COL5A1: variants seen among roughly 807,000 people sequenced by gnomAD.
The protein encoded by COL5A1 is collagen alpha-1(V) chain.
In COL5A1, 16 loss-of-function variants were observed where a neutral mutation model predicts 263.7. The ratio of observed to expected loss-of-function variants is 0.06; its 90% CI spans 0.04 to 0.09. The LOEUF is 0.09. Among genes scored for constraint, COL5A1 ranks in the 10% least tolerant of loss-of-function variants. COL5A1 has a pLI of 1.00. For missense variants in COL5A1, 2,036 were observed against 2,540.5 expected (o/e 0.80, Z 4.27); for synonymous variants, 1,012 against 1,004.5 (o/e 1.01, Z -0.14).
chr9:134,814,168 C>T, intron 49 of COL5A1, 132 bp downstream of exon 49: 3 of 888,910 alleles, frequency 3.4e-6, no homozygotes, highest in Non-Finnish European at 5.2e-6. Context: ...CCTCTTGTGC[C>T]CATTTCATGG....
chr9:134,813,903 T>G, intron 48 of COL5A1, 80 bp from the exon 49 acceptor site: 1 of 1,489,474 alleles, frequency 6.7e-7, no homozygotes, highest in Non-Finnish European at 9.2e-7. Context: ...GCAGGCAGGA[T>G]TTGGCAAATG....
intron 49 of COL5A1, 22 bp from the exon 50 acceptor site, chr9:134,814,775 G>C: frequency 6.5e-7 from 1 of 1,537,770 alleles, no homozygotes; most frequent in Non-Finnish European, 8.8e-7. Flanking sequence ...CTGAGGACTT[G>C]ACACTGGCCT....
chr9:134,719,192 A>G (rs904995854), intron 4 of COL5A1, among the ~76,000 whole-genome samples: 5 of 152,186 alleles, frequency 3.3e-5, no homozygotes, highest in Admixed American at 2.6e-4. Context: ...ACACATGCAT[A>G]CCTGTTCACA....
intron 29 of COL5A1, among the ~76,000 whole-genome samples, chr9:134,783,972 A>G (rs879883234): frequency 6.6e-6 from 1 of 152,176 alleles, no homozygotes; most frequent in Non-Finnish European, 1.5e-5. Flanking sequence ...AGAAGAGATG[A>G]CACACGTTCC....
rs117568331 is a variant in COL5A1, at chr9:134,789,395, T to C, written c.2700+187T>C. On this transcript the variant is annotated intron_variant, in intron 32 of 65. Transcript: ENST00000371817. This position sits in a 1 kb window ranked among gnomAD's most constrained non-coding sequence, Gnocchi z 4.8. ...TGGTGACACTCTCCAGACGCTGGGC[T>C]GGGCAGGTATGTGATAGGAAGGGGC... Among the ~76,000 whole-genome samples the C allele has an allele frequency of 6.0e-3, 915 of 152,210 alleles. 42 individuals carry two copies. In the East Asian group the frequency reaches 0.12, roughly 20 times the overall value.
chr9:134,784,891 C>T (rs1336355123), intron 29 of COL5A1, 98 bp from the exon 30 acceptor site: 1 of 1,010,588 alleles, frequency 9.9e-7, no homozygotes, highest in African/African-American at 1.6e-5. Flanking sequence ...CACAGGGTGC[C>T]TGTGACCTGT....
chr9:134,744,434 C>T (rs1835403834), intron 11 of COL5A1, among the ~76,000 whole-genome samples: 1 of 152,012 alleles, frequency 6.6e-6, no homozygotes, highest in Admixed American at 6.6e-5. Context: ...CACACACGCA[C>T]ACACTCATGT....
chr9:134,714,523 G>A (rs1319213691), intron 4 of COL5A1, among the ~76,000 whole-genome samples: 1 of 3,760 alleles, frequency 2.7e-4, no homozygotes, highest in Non-Finnish European at 6.7e-4. Flanking sequence ...GGTGAAGGTG[G>A]TGATGCTGAT....
intron 4 of COL5A1, among the ~76,000 whole-genome samples, chr9:134,711,883 G>A (rs1327803017): frequency 1.3e-5 from 2 of 151,780 alleles, no homozygotes; most frequent in East Asian, 1.9e-4. Context: ...GGCCCTCCCC[G>A]CAAGTGGATG....
intron 53 of COL5A1, 93 bp from the exon 54 acceptor site, chr9:134,817,683 CCA>C (rs145359576): frequency 8.9e-3 from 8,479 of 947,446 alleles, no homozygotes; most frequent in Middle Eastern, 0.011. Context: ...CCCCTGCAGG[CCA>C]CACACACACA....
chr9:134,643,593 C>G (rs552252846), intron 1 of COL5A1, among the ~76,000 whole-genome samples: 3 of 152,288 alleles, frequency 2.0e-5, no homozygotes, highest in African/African-American at 7.2e-5. Context: ...AGCCAGGAGC[C>G]TGGCCTGGCT....
rs116908900 is a variant in COL5A1, at chr9:134,758,691, T to C, written c.1935+395T>C. ...AGGACACTTTGCAATATTAAAGTGG[T>C]GGTCCCAAGGGGGTGGGGACAATCT... On this transcript the variant is annotated intron_variant, in intron 18 of 65. Coordinates refer to ENST00000371817, the MANE Select transcript of COL5A1 (RefSeq NM_000093.5). The surrounding 1 kb of genome is among the most constrained non-coding windows in gnomAD (Gnocchi z 4.1). Among the ~76,000 whole-genome samples the C allele has an allele frequency of 0.041, 6,274 of 152,252 alleles. 190 individuals are homozygous for C. Among genetic ancestry groups the C allele is most frequent in the Non-Finnish European group, 0.058 (3,913 of 68,004 alleles).
chr9:134,747,848 C>G (rs1300260847), intron 11 of COL5A1, among the ~76,000 whole-genome samples: 1 of 151,540 alleles, frequency 6.6e-6, no homozygotes, highest in Non-Finnish European at 1.5e-5. Context: ...GACACATGCA[C>G]ACATGCATTC....
At chr9:134,649,212 C>T (rs1374771713) in intron 1 of COL5A1, among the ~76,000 whole-genome samples, 4 of 152,058 alleles carry the variant, frequency 2.6e-5, no homozygotes, top group East Asian at 1.9e-4. Context: ...TGGAGGGGTG[C>T]GGGTCACTTT....
rs1353015279 is a variant in COL5A1 at position 134,758,780 on chromosome 9, G to A, written c.1935+484G>A. Among the ~76,000 whole-genome samples the A allele has an allele frequency of 6.6e-6, 1 of 152,180 alleles. No homozygotes were observed. Among genetic ancestry groups the A allele is most frequent in the Admixed American group, 6.5e-5 (1 of 15,290 alleles). On this transcript the variant is annotated intron_variant, in intron 18 of 65. Transcript: ENST00000371817. This position sits in a 1 kb window ranked among gnomAD's most constrained non-coding sequence, Gnocchi z 4.1. The stretch of plus-strand genomic sequence containing the variant: ...AGGTGTCCCCCTGTTCCCTGTTAAT[G>A]GGCGTGGATGAATTTGAAAGTGTGT...
intron 1 of COL5A1, among the ~76,000 whole-genome samples, chr9:134,669,289 T>TCCCTCCCCTC (rs1235517824): frequency 2.7e-4 from 18 of 66,304 alleles, no homozygotes; most frequent in African/African-American, 1.4e-3. Context: ...TCCCTTCCCT[T>TCCCTCCCCTC]CCCTCCCCTC....
At chr9:134,764,686 C>T (rs887202565) in intron 20 of COL5A1, among the ~76,000 whole-genome samples, 3 of 152,130 alleles carry the variant, frequency 2.0e-5, no homozygotes, top group African/African-American at 7.2e-5. Flanking sequence ...AGAAATATAG[C>T]AGGCACTGCA....
At chr9:134,808,988 A>G in intron 42 of COL5A1, 195 bp from the exon 43 acceptor site, 2 of 631,652 alleles carry the variant, frequency 3.2e-6, no homozygotes, top group East Asian at 2.7e-5. Context: ...GCGATGCACC[A>G]GAAGTTCATG....
intron 4 of COL5A1, among the ~76,000 whole-genome samples, chr9:134,702,699 C>G (rs1374508194): frequency 6.6e-6 from 1 of 152,256 alleles, no homozygotes; most frequent in African/African-American, 2.4e-5. Context: ...GGAAATCATA[C>G]TGGGGACCAC....
Sources: allele counts gnomAD v4.1 joint callset (sites outside exome capture counted in the v4.1 genomes callset), GRCh38; gene constraint gnomAD v4.1.1; non-coding constraint Gnocchi (gnomAD v3.1); transcripts MANE v1.5; gene names NCBI Gene and HGNC (gene_info 2026-07-23, HGNC 2026-07-21).